Variants in LIN28B observed in about 807,000 individuals in gnomAD.
The protein encoded by LIN28B is protein lin-28 homolog B.
A neutral mutation model predicts 21.9 loss-of-function variants in LIN28B; 5 were observed. The ratio of observed to expected loss-of-function variants is 0.23; its 90% CI spans 0.12 to 0.48. LIN28B has a LOEUF of 0.48. Among genes scored for constraint, LIN28B ranks in the 20% least tolerant of loss-of-function variants. The pLI is 0.98. For missense variants in LIN28B, 245 were observed against 310.5 expected (o/e 0.79, Z 1.58); for synonymous variants, 109 against 111.3 (o/e 0.98, Z 0.13).
chr6:104,952,297 C>A (rs541073303), upstream of LIN28B, among the ~76,000 whole-genome samples: 128 of 152,264 alleles, frequency 8.4e-4, no homozygotes, highest in Non-Finnish European at 1.1e-3. Flanking sequence ...AAAATACTTT[C>A]ATTTTGCAGC....
intron 2 of LIN28B, among the ~76,000 whole-genome samples, chr6:104,946,562 ATG>A (rs200533628): frequency 4.6e-5 from 7 of 151,982 alleles, no homozygotes; most frequent in South Asian, 2.1e-4. Context: ...ATTTTATTTG[ATG>A]TGTGTGTGTG....
At chr6:105,022,385 A>G (rs939266209) in intron 2 of LIN28B, among the ~76,000 whole-genome samples, 2 of 152,200 alleles carry the variant, frequency 1.3e-5, no homozygotes, top group African/African-American at 4.8e-5. Context: ...TGATGATTCA[A>G]AAATTCAGGG....
intron 3 of LIN28B, among the ~76,000 whole-genome samples, chr6:105,062,108 A>G (rs1772132105): frequency 1.3e-5 from 2 of 151,680 alleles, no homozygotes; most frequent in African/African-American, 2.4e-5. Flanking sequence ...ATTCTAATGT[A>G]TTTATTTATT....
chr6:105,076,228 GTTT>G (rs567132534), intron 3 of LIN28B, among the ~76,000 whole-genome samples: 1 of 150,126 alleles, frequency 6.7e-6, no homozygotes, highest in South Asian at 2.1e-4. Context: ...GTGATTTCTT[GTTT>G]TTTTTTCTCT....
intron 3 of LIN28B, among the ~76,000 whole-genome samples, chr6:105,065,384 A>G (rs189977197): frequency 6.6e-6 from 1 of 152,376 alleles, no homozygotes; most frequent in African/African-American, 2.4e-5. Flanking sequence ...TACAGAGGTT[A>G]TCTGAACATG....
chr6:104,994,292 C>A (rs1248661148), intron 2 of LIN28B, among the ~76,000 whole-genome samples: 3 of 152,238 alleles, frequency 2.0e-5, no homozygotes, highest in African/African-American at 4.8e-5. Flanking sequence ...GCGTGAGCCA[C>A]CGCGCCTGAC....
At chr6:105,044,332 A>G (rs1203512461) in intron 3 of LIN28B, among the ~76,000 whole-genome samples, 3 of 152,028 alleles carry the variant, frequency 2.0e-5, no homozygotes, top group African/African-American at 4.8e-5. Flanking sequence ...TAATTTCTAT[A>G]TTTTTGTAAT....
chr6:104,984,424 T>C (rs966747895), intron 2 of LIN28B, among the ~76,000 whole-genome samples: 1 of 152,130 alleles, frequency 6.6e-6, no homozygotes, highest in Non-Finnish European at 1.5e-5. Flanking sequence ...AAACTATGCT[T>C]GCAGTTGATG....
intron 2 of LIN28B, among the ~76,000 whole-genome samples, chr6:104,976,219 A>T (rs1181602872): frequency 6.6e-6 from 1 of 152,192 alleles, no homozygotes; most frequent in Non-Finnish European, 1.5e-5. Flanking sequence ...TAGTTAAGGG[A>T]TCAGACAATT....
intron 3 of LIN28B, among the ~76,000 whole-genome samples, chr6:105,036,835 G>A (rs904459016): frequency 1.3e-5 from 2 of 152,106 alleles, no homozygotes; most frequent in African/African-American, 2.4e-5. Context: ...TTAGACTGTG[G>A]CCTTGGTGAA....
intron 2 of LIN28B, among the ~76,000 whole-genome samples, chr6:104,938,464 C>A (rs1463312837): frequency 6.6e-6 from 1 of 151,930 alleles, no homozygotes; most frequent in African/African-American, 2.4e-5. Context: ...CATGGTGAAA[C>A]CCCATCTTTA....
rs201694304 is a variant in LIN28B at position 104,987,793 on chromosome 6, G to A, written c.198+29507G>A. 1.8e-4 allele frequency among the ~76,000 whole-genome samples: 28 copies of A among 152,226 alleles called. No individual in the cohort carries two copies. The East Asian group carries it at 5.4e-3, about 29-fold the overall frequency. Reference sequence around the variant, plus strand: ...GGACTCTTGCTCTGTCCCCCAGGGTGGAGTGCAATGGTGCGATCTTGGCTC... The same window carrying A: ...GGACTCTTGCTCTGTCCCCCAGGGTAGAGTGCAATGGTGCGATCTTGGCTC... On this transcript the variant is annotated intron_variant, in intron 2 of 3. Coordinates refer to ENST00000345080, the MANE Select transcript of LIN28B (RefSeq NM_001004317.4).
At chr6:105,041,309 T>C (rs74816231) in intron 3 of LIN28B, among the ~76,000 whole-genome samples, 14,709 of 152,216 alleles carry the variant, frequency 0.097, 776 homozygotes, top group Admixed American at 0.16. Context: ...ATAATTACCT[T>C]TTATCTACAA....
intron 2 of LIN28B, among the ~76,000 whole-genome samples, chr6:104,969,638 A>G (rs1769933796): frequency 1.3e-5 from 2 of 152,146 alleles, no homozygotes; most frequent in African/African-American, 2.4e-5. Flanking sequence ...GTTATTTTAT[A>G]TGGTATGGTA....
intron 3 of LIN28B, among the ~76,000 whole-genome samples, chr6:105,040,250 AT>A (rs1771605635): frequency 6.6e-6 from 1 of 151,994 alleles, no homozygotes; most frequent in Non-Finnish European, 1.5e-5. Flanking sequence ...TTATTTGCTT[AT>A]TCAGTTTCAT....
intron 2 of LIN28B, among the ~76,000 whole-genome samples, chr6:105,025,515 A>C (rs777900472): frequency 2.0e-5 from 3 of 152,130 alleles, no homozygotes; most frequent in African/African-American, 7.2e-5. Context: ...CAAACGACGC[A>C]GTAATGTATA....
At chr6:104,981,069 TAAAG>T (rs1043883889) in intron 2 of LIN28B, among the ~76,000 whole-genome samples, 1 of 152,202 alleles carries the variant, frequency 6.6e-6, no homozygotes, top group Non-Finnish European at 1.5e-5. Context: ...TACAGTGTAA[TAAAG>T]GATGCAGGAC....
At chr6:104,971,293 A>C (rs982438554) in intron 2 of LIN28B, among the ~76,000 whole-genome samples, 1 of 152,088 alleles carries the variant, frequency 6.6e-6, no homozygotes. Context: ...TTTGTTTAAA[A>C]TATTTTATTT....
At chr6:105,024,501 G>C (rs570214596) in intron 2 of LIN28B, among the ~76,000 whole-genome samples, 1 of 152,160 alleles carries the variant, frequency 6.6e-6, no homozygotes, top group Admixed American at 6.5e-5. Context: ...AGAAAGCTTA[G>C]GAAAAAATGA....
Sources: allele counts gnomAD v4.1 joint callset (sites outside exome capture counted in the v4.1 genomes callset), GRCh38; gene constraint gnomAD v4.1.1; transcripts MANE v1.5; gene names NCBI Gene and HGNC (gene_info 2026-07-23, HGNC 2026-07-21).